ZFYVE9: variants seen among roughly 807,000 people sequenced by gnomAD.
The protein encoded by ZFYVE9 is zinc finger FYVE domain-containing protein 9.
ZFYVE9 carries 43 observed loss-of-function variants against 126.7 expected under a neutral mutation model. That is an observed-to-expected ratio of 0.34 (90% confidence interval 0.27 to 0.44). The LOEUF is 0.44. ZFYVE9 is among the 20% of genes least tolerant of loss of function. The pLI is 1.00. For missense variants in ZFYVE9, 1,476 were observed against 1,697.0 expected, an observed-to-expected ratio of 0.87 and a Z score of 2.29; for synonymous variants, 521 against 597.4, an observed-to-expected ratio of 0.87 and a Z score of 1.87.
intron 10 of ZFYVE9, among the ~76,000 whole-genome samples, chr1:52,290,617 G>A (rs981968140): frequency 2.0e-5 from 3 of 152,104 alleles, no homozygotes; most frequent in Admixed American, 1.3e-4. Flanking sequence ...TAGGGAGGTG[G>A]TAAAGAAGCA....
intron 1 of ZFYVE9, among the ~76,000 whole-genome samples, chr1:52,178,935 G>C (rs930666708): frequency 1.3e-5 from 2 of 152,102 alleles, no homozygotes; most frequent in African/African-American, 2.4e-5. Flanking sequence ...CTCCTGAGTA[G>C]CTGGGACCAC....
At chr1:52,214,669 G>GGTGT (rs58141384) in intron 1 of ZFYVE9, among the ~76,000 whole-genome samples, 1 of 151,514 alleles carries the variant, frequency 6.6e-6, no homozygotes, top group Non-Finnish European at 1.5e-5. Flanking sequence ...TATATGGAGG[G>GGTGT]GTGTGTGTGT....
chr1:52,189,701 T>G (rs1644799547), intron 1 of ZFYVE9, among the ~76,000 whole-genome samples: 1 of 151,464 alleles, frequency 6.6e-6, no homozygotes, highest in South Asian at 2.1e-4. Context: ...TTTAAACTTG[T>G]GCTTTTGGTG....
At chr1:52,327,833 G>A (rs1049834380) in intron 13 of ZFYVE9, among the ~76,000 whole-genome samples, 7 of 151,880 alleles carry the variant, frequency 4.6e-5, no homozygotes, top group African/African-American at 7.3e-5. Flanking sequence ...GAATTAGCCC[G>A]GGTGGTGGCG....
chr1:52,218,448 G>A (rs544766322), intron 2 of ZFYVE9, among the ~76,000 whole-genome samples: 2 of 152,338 alleles, frequency 1.3e-5, no homozygotes, highest in African/African-American at 4.8e-5. Flanking sequence ...CTTGGGGGCT[G>A]TCCCATAGGG....
chr1:52,200,446 G>T (rs1369451494), intron 1 of ZFYVE9, among the ~76,000 whole-genome samples: 1 of 152,190 alleles, frequency 6.6e-6, no homozygotes, highest in African/African-American at 2.4e-5. Flanking sequence ...CTCCCAAAGT[G>T]TTGGGATTAC....
At chr1:52,264,533 A>G (rs1370099784) in intron 5 of ZFYVE9, among the ~76,000 whole-genome samples, 1 of 152,214 alleles carries the variant, frequency 6.6e-6, no homozygotes, top group East Asian at 1.9e-4. Flanking sequence ...TATTAGTTAA[A>G]AACCCTGAGT....
At chr1:52,250,644 A>G (rs764005135) in intron 4 of ZFYVE9, among the ~76,000 whole-genome samples, 6 of 151,060 alleles carry the variant, frequency 4.0e-5, no homozygotes, top group Non-Finnish European at 7.4e-5. Context: ...TTCCAATACT[A>G]TGTTAAATAG....
At chr1:52,331,182 C>G (rs553180700) in intron 13 of ZFYVE9, among the ~76,000 whole-genome samples, 2 of 152,012 alleles carry the variant, frequency 1.3e-5, no homozygotes, top group Admixed American at 1.3e-4. Flanking sequence ...AACACTACAG[C>G]TTATAGGAGG....
At position 52,340,115 on chromosome 1, in the gene ZFYVE9, CT is replaced by C; in HGVS notation, c.3834-10del. ...AGAGCTGCTTCTATCTTTCCTTTGC[CT>C]CTATTTTAGTGTCGTAAGTCCTATA... On this transcript the variant is annotated splice_polypyrimidine_tract_variant and intron_variant, in intron 16 of 18. Coordinates refer to ENST00000287727, the MANE Select transcript of ZFYVE9 (RefSeq NM_004799.4). 1.2e-6 allele frequency: 2 copies of C among 1,602,828 alleles called. No individual in the cohort carries two copies. The highest frequency in any genetic ancestry group is 2.7e-5 in the African/African-American group (2 of 74,728).
chr1:52,256,776 T>C (rs912921883), intron 4 of ZFYVE9, among the ~76,000 whole-genome samples: 1 of 141,810 alleles, frequency 7.1e-6, no homozygotes, highest in Non-Finnish European at 1.6e-5. Context: ...TTAGATCTTA[T>C]GATACTGATT....
At position 52,329,324 on chromosome 1, in the gene ZFYVE9, T is replaced by A. The variant is rs183888129; in HGVS notation, c.3439-3444T>A. Among the ~76,000 whole-genome samples, 233 of 152,244 alleles carry A rather than the reference T, an allele frequency of 1.5e-3. 2 individuals carry two copies. The highest frequency in any genetic ancestry group is 0.013 in the South Asian group (65 of 4,828). The stretch of plus-strand genomic sequence containing the variant: ...TTTAAAACTTACCCTTACCTCACAT[T>A]ATATATAAAAACTGACTCAAAACAA... On this transcript the variant is annotated intron_variant, in intron 13 of 18. Coordinates refer to ENST00000287727, the MANE Select transcript of ZFYVE9 (RefSeq NM_004799.4).
chr1:52,160,515 C>T, intron 1 of ZFYVE9: 1 of 780,534 alleles, frequency 1.3e-6, no homozygotes, highest in Non-Finnish European at 2.4e-6. Flanking sequence ...ACTCTAGCCA[C>T]CACGCTGATG....
intron 2 of ZFYVE9, among the ~76,000 whole-genome samples, chr1:52,229,822 A>G (rs1312573455): frequency 1.3e-5 from 2 of 152,126 alleles, no homozygotes; most frequent in Non-Finnish European, 2.9e-5. Context: ...GTTGTAGAAA[A>G]AGCGGGTTCT....
chr1:52,177,068 T>C (rs1557439368), intron 1 of ZFYVE9, among the ~76,000 whole-genome samples: 1 of 151,884 alleles, frequency 6.6e-6, no homozygotes. Flanking sequence ...AATGCAGAAA[T>C]CACCCATCTT....
chr1:52,304,783 T>C (rs2147843159), intron 13 of ZFYVE9, among the ~76,000 whole-genome samples: 1 of 152,214 alleles, frequency 6.6e-6, no homozygotes, highest in South Asian at 2.1e-4. Context: ...TAGCCATGAC[T>C]TTCCACGTGA....
intron 13 of ZFYVE9, among the ~76,000 whole-genome samples, chr1:52,314,910 G>T (rs1161112934): frequency 6.6e-6 from 1 of 152,058 alleles, no homozygotes; most frequent in Non-Finnish European, 1.5e-5. Flanking sequence ...TTGAAATCTG[G>T]GCGGCAGAGG....
intron 13 of ZFYVE9, among the ~76,000 whole-genome samples, chr1:52,309,266 T>C (rs751742534): frequency 1.3e-5 from 2 of 152,136 alleles, no homozygotes; most frequent in Non-Finnish European, 2.9e-5. Context: ...TGCTTGAGCC[T>C]AGGATTTAAA....
chr1:52,268,832 G>A (rs183915898), intron 7 of ZFYVE9, among the ~76,000 whole-genome samples, 200 bp downstream of exon 7: 2 of 152,324 alleles, frequency 1.3e-5, no homozygotes, highest in East Asian at 3.9e-4. Flanking sequence ...TCAGGAGAAA[G>A]GTTCTTAATG....
Sources: gnomAD v4.1 joint callset for allele counts (sites outside exome capture counted in the v4.1 genomes callset) on GRCh38, gnomAD v4.1.1 for gene constraint, MANE v1.5 for transcripts, NCBI Gene and HGNC (gene_info 2026-07-23, HGNC 2026-07-21) for gene names.